Variants in KCNMB1 observed in about 807,000 individuals in gnomAD.
KCNMB1 encodes calcium-activated potassium channel subunit beta-1.
KCNMB1 carries 22 observed loss-of-function variants against 21.7 expected under a neutral mutation model. That is an observed-to-expected ratio of 1.01 (90% CI 0.72 to 1.45). KCNMB1 has a LOEUF of 1.45. Ranked by LOEUF, KCNMB1 falls within the 40% of genes most tolerant of loss-of-function variation. The pLI, the probability that KCNMB1 is intolerant of heterozygous loss-of-function variation, is 0.00. For missense variants in KCNMB1, 243 were observed against 243.4 expected (o/e 1.00, Z 0.01); for synonymous variants, 114 against 107.6 (o/e 1.06, Z -0.37).
At chr5:170,386,688 T>G (rs1198370848) in intron 1 of KCNMB1, among the ~76,000 whole-genome samples, 2 of 149,348 alleles carry the variant, frequency 1.3e-5, no homozygotes, top group Admixed American at 1.3e-4. Flanking sequence ...ATTCCGGTGT[T>G]TTTTTTTTTT....
In KCNMB1 at chr5:170,378,748, C is replaced by T. The variant is rs1474155672; in HGVS notation, c.532G>A (p.Val178Met). ...LTGGLLIIAM[V>M]KSNQYLSILA... ...ATGGACAGGTACTGGTTGCTCTTCA[C>T]CATGGCGATAATGAGGAGGCCACCG... The change falls in exon 4 of 4, where the codon GTG becomes ATG. Residue 178 changes from valine to methionine, a missense_variant. Val to Met is a conservative substitution (Grantham distance 21). Coordinates refer to ENST00000274629, the MANE Select transcript of KCNMB1 (RefSeq NM_004137.4). The T allele has an allele frequency of 6.2e-7, 1 of 1,613,936 alleles. No homozygotes were observed. Among genetic ancestry groups the T allele is most frequent in the African/African-American group, 1.3e-5 (1 of 74,898 alleles).
chr5:170,384,013 C>T (rs1029196829), intron 2 of KCNMB1, among the ~76,000 whole-genome samples, 163 bp from the exon 3 acceptor site: 1 of 152,192 alleles, frequency 6.6e-6, no homozygotes, highest in Non-Finnish European at 1.5e-5. Flanking sequence ...ACCCCACAGT[C>T]CCCGGACACA....
rs945886657 is a variant in KCNMB1 at position 170,376,000 on chromosome 5, A to G, written c.*2704T>C. ...CCACTGTCCTCTGTTGCTTCTCATC[A>G]TCTGTGAGGCAGGTTCAGGAGTATC... On this transcript the variant is annotated 3_prime_UTR_variant, in exon 4 of 4. Coordinates refer to ENST00000274629, the MANE Select transcript of KCNMB1 (RefSeq NM_004137.4). The G allele has an allele frequency of 6.6e-6, 1 of 152,144 alleles. No homozygotes were observed. Among genetic ancestry groups the G allele is most frequent in the African/African-American group, 2.4e-5 (1 of 41,416 alleles). 9.4% of individuals were successfully genotyped at this position (152,144 alleles called of 1,614,324 possible).
intron 3 of KCNMB1, chr5:170,383,433 T>A: frequency 1.6e-5 from 10 of 608,674 alleles, no homozygotes; most frequent in Non-Finnish European, 2.9e-5. Flanking sequence ...TTTACAAGGG[T>A]GGAAACTGAG....
Position 170,378,505 on chromosome 5 carries a change from C to A in KCNMB1, c.*199G>T, listed in dbSNP as rs1581125812. 6 of 633,324 alleles carry A rather than the reference C, an allele frequency of 9.5e-6. No individual in the cohort carries two copies. The East Asian group carries it at 1.4e-4, about 14-fold the overall frequency. 39.2% of individuals were successfully genotyped at this position (633,324 alleles called of 1,614,324 possible). ...TTATGGCCTCCAAGGCATTGGGGAG[C>A]CACTGTACATTCTTGAGCAGGCAAT... On this transcript the variant is annotated 3_prime_UTR_variant, in exon 4 of 4. Transcript: ENST00000274629.
chr5:170,387,776 G>A (rs1303385226), intron 1 of KCNMB1, among the ~76,000 whole-genome samples: 2 of 152,200 alleles, frequency 1.3e-5, no homozygotes, highest in Non-Finnish European at 2.9e-5. Flanking sequence ...TGTATTCACA[G>A]GTAAAGCAAC....
At chr5:170,383,180 T>G in intron 3 of KCNMB1, 1 of 203,068 alleles carries the variant, frequency 4.9e-6, no homozygotes, top group South Asian at 1.2e-4. Context: ...ATCTAAATGT[T>G]TGTTTATGGA....
In KCNMB1 at chr5:170,377,109, C is replaced by G. The variant is rs1383347016; in HGVS notation, c.*1595G>C. The stretch of plus-strand genomic sequence containing the variant: ...ACTGGAAGAAACTTCAGACACCAGC[C>G]TAACTTCACACCCAGCTCAGGACTG... On this transcript the variant is annotated 3_prime_UTR_variant, in exon 4 of 4. Coordinates refer to ENST00000274629, the MANE Select transcript of KCNMB1 (RefSeq NM_004137.4). 2 of 152,250 alleles carry G rather than the reference C, an allele frequency of 1.3e-5. No homozygotes were observed. The allele number at this position is 152,250 out of a possible 1,614,324, so 9.4% of individuals were successfully genotyped here. A position where few individuals can be genotyped will look rare whatever the true frequency, so the allele number is the denominator to read the frequency against.
rs763498829 is a variant in KCNMB1, at chr5:170,378,786, G to A, written c.494C>T (p.Thr165Ile). 2 of 1,614,274 alleles carry A rather than the reference G, an allele frequency of 1.2e-6. No individual in the cohort carries two copies. Residue 165 changes from threonine (T) to isoleucine (I), a missense_variant, in exon 4 of 4, where the codon ACC (threonine) becomes ATC (isoleucine). By Grantham distance (89) the Thr-to-Ile change is moderately conservative. Coordinates refer to ENST00000274629, the MANE Select transcript of KCNMB1 (RefSeq NM_004137.4). ...QALLFSLFWP[T>I]FLLTGGLLII... is the part of the protein sequence containing the mutation. Reference sequence around the variant, plus strand: ...GAGGAGGCCACCGGTCAGCAGGAAGGTGGGCCAGAAGAGGGAGAAGAGGAG... The same window carrying A: ...GAGGAGGCCACCGGTCAGCAGGAAGATGGGCCAGAAGAGGGAGAAGAGGAG...
chr5:170,381,786 G>A (rs745422847), intron 3 of KCNMB1, among the ~76,000 whole-genome samples: 14 of 152,174 alleles, frequency 9.2e-5, no homozygotes, highest in African/African-American at 1.7e-4. Flanking sequence ...TATCACTCCC[G>A]GAGAATGTTA....
intron 2 of KCNMB1, among the ~76,000 whole-genome samples, chr5:170,384,951 A>C (rs1357908578): frequency 6.6e-6 from 1 of 152,214 alleles, no homozygotes; most frequent in Non-Finnish European, 1.5e-5. Context: ...CAGAGGGGAG[A>C]GAATTATGCA....
At chr5:170,385,247 G>T in intron 2 of KCNMB1, 67 bp downstream of exon 2, 1 of 1,568,858 alleles carries the variant, frequency 6.4e-7, no homozygotes. Context: ...AGAAGGCCAG[G>T]GTTCCTTACA....
Position 170,378,578 on chromosome 5 carries a change from G to T in KCNMB1, c.*126C>A. On this transcript the variant is annotated 3_prime_UTR_variant, in exon 4 of 4. Coordinates refer to ENST00000274629, the MANE Select transcript of KCNMB1 (RefSeq NM_004137.4). ...AAGGTTAGTCCTGCAACAGAAGACA[G>T]CGTGGATTGGACTGGAAGAGTGGGA... 1.0e-6 allele frequency: 1 copy of T among 987,146 alleles called. No homozygotes were observed. The highest frequency in any genetic ancestry group is 1.5e-6 in the Non-Finnish European group (1 of 662,110). The allele number at this position is 987,146 out of a possible 1,614,324, so 61.1% of individuals were successfully genotyped here.
Position 170,378,919 on chromosome 5 carries a change from C to T in KCNMB1, c.361G>A (p.Glu121Lys). ...TCTTGGAATTTGGCTCTGACCTTCT[C>T]CACGTCGGCCCGGGCCGTCTGGTAA... is the stretch of plus-strand genomic sequence containing the variant. ...DNYQTARADV[E>K]KVRAKFQEQQ... The change falls in exon 4 of 4, where the codon GAG (glutamate) becomes AAG (lysine). Residue 121 changes from glutamate (E) to lysine (K), a missense_variant. Coordinates refer to ENST00000274629, the MANE Select transcript of KCNMB1 (RefSeq NM_004137.4). The T allele has an allele frequency of 6.2e-7, 1 of 1,614,186 alleles. No homozygotes were observed. The highest frequency in any genetic ancestry group is 8.5e-7 in the Non-Finnish European group (1 of 1,180,008).
At chr5:170,385,216 G>C (rs1764414977) in intron 2 of KCNMB1, 98 bp downstream of exon 2, 4 of 1,317,076 alleles carry the variant, frequency 3.0e-6, no homozygotes, top group Non-Finnish European at 4.3e-6. Context: ...CCTTGAATGA[G>C]GGTCAAGGAG....
At chr5:170,382,394 A>G (rs531302346) in intron 3 of KCNMB1, among the ~76,000 whole-genome samples, 43 of 152,234 alleles carry the variant, frequency 2.8e-4, no homozygotes, top group African/African-American at 1.0e-3. Flanking sequence ...CTTGAGACAT[A>G]CACACTCACA....
intron 2 of KCNMB1, 38 bp from the exon 3 acceptor site, chr5:170,383,888 G>T: frequency 1.2e-6 from 2 of 1,602,724 alleles, no homozygotes; most frequent in Non-Finnish European, 1.7e-6. Flanking sequence ...ACACATCTCA[G>T]AACTGGGTGA....
intron 3 of KCNMB1, among the ~76,000 whole-genome samples, chr5:170,380,516 A>C (rs1473338824): frequency 2.6e-5 from 4 of 152,126 alleles, no homozygotes; most frequent in African/African-American, 9.7e-5. Context: ...GAGGGCATTC[A>C]CTCCAGCAAC....
rs1156975113 is a variant in KCNMB1 at position 170,377,272 on chromosome 5, AC to A, written c.*1431del. 2 of 151,768 alleles carry A rather than the reference AC, an allele frequency of 1.3e-5. No individual in the cohort carries two copies. The highest frequency in any genetic ancestry group is 2.4e-5 in the African/African-American group (1 of 41,256). 9.4% of individuals were successfully genotyped at this position (151,768 alleles called of 1,614,324 possible). On this transcript the variant is annotated 3_prime_UTR_variant, in exon 4 of 4. Transcript: ENST00000274629. ...TAGAACACAGAACATTGCTACCCCCACCCCGTGCAGGGCTTCTGGCGTGGTG... is the reference window on the plus strand; with the variant it reads ...TAGAACACAGAACATTGCTACCCCCACCCGTGCAGGGCTTCTGGCGTGGTG...
Sources: gnomAD v4.1 joint callset for allele counts (sites outside exome capture counted in the v4.1 genomes callset) on GRCh38, gnomAD v4.1.1 for gene constraint, MANE v1.5 for transcripts, NCBI Gene and HGNC (gene_info 2026-07-23, HGNC 2026-07-21) for gene names.